LZTS2: variants seen among roughly 807,000 people sequenced by gnomAD.
LZTS2 encodes the protein leucine zipper putative tumor suppressor 2.
A neutral mutation model predicts 60.6 loss-of-function variants in LZTS2; 32 were observed. The observed-to-expected ratio is 0.53, with a 90% CI of 0.40 to 0.71. The LOEUF is 0.71. Ranked by LOEUF, LZTS2 falls within the 30% of genes least tolerant of loss-of-function variation. The pLI is 0.00. For missense variants in LZTS2, 792 were observed against 901.9 expected (o/e 0.88, Z 1.56); for synonymous variants, 360 against 393.1 (o/e 0.92, Z 1.00).
exon 2 of LZTS2, chr10:101,004,059 G>T (rs1220579716): frequency 6.2e-7 from 1 of 1,613,412 alleles, no homozygotes; most frequent in Non-Finnish European, 8.5e-7. Flanking sequence ...ACCTCCTTCG[G>T]ATGAGGCCCT....
In LZTS2 at chr10:101,007,138, C is replaced by A; in HGVS notation, c.1980C>A (p.Cys660Ter). 6.2e-7 allele frequency: 1 copy of A among 1,603,066 alleles called. No individual in the cohort carries two copies. The highest frequency in any genetic ancestry group is 8.5e-7 in the Non-Finnish European group (1 of 1,174,424). Residue 660 changes from cysteine (C) to a stop codon, truncating the protein, a stop_gained, in exon 4 of 4, where the codon TGC (cysteine) becomes TGA (stop). Coordinates refer to ENST00000370220, the Ensembl canonical transcript of LZTS2. LOFTEE classifies it high-confidence loss of function. ...TGGCCGAGCAGGCCCCCTGCATCTG[C>A]CTGGAGGAGATCACTGCTACTGAGA...
intron 2 of LZTS2, among the ~76,000 whole-genome samples, chr10:101,005,131 G>A (rs1590037236): frequency 6.6e-6 from 1 of 152,136 alleles, no homozygotes; most frequent in East Asian, 1.9e-4. Context: ...AGCCTCCCAA[G>A]TAGCTGAGAC....
chr10:101,004,889 G>T (rs185218348), intron 2 of LZTS2, among the ~76,000 whole-genome samples: 1 of 152,154 alleles, frequency 6.6e-6, no homozygotes, highest in South Asian at 2.1e-4. Flanking sequence ...TAGAGACAGG[G>T]TTTCCACCAT....
intron 1 of LZTS2, 120 bp downstream of exon 2, chr10:101,003,066 C>G: frequency 3.3e-6 from 4 of 1,225,992 alleles, no homozygotes; most frequent in Non-Finnish European, 4.4e-6. Context: ...GACCTGGGTC[C>G]TAATCCCAGC....
exon 4 of LZTS2, chr10:101,007,555 G>A (rs1479727158): frequency 1.5e-6 from 2 of 1,311,348 alleles, no homozygotes; most frequent in Admixed American, 2.3e-5. Context: ...AAGCCAGATG[G>A]CACCAGCTGC....
exon 4 of LZTS2, chr10:101,007,408 C>A (rs1590041184): frequency 7.0e-7 from 1 of 1,434,596 alleles, no homozygotes; most frequent in Non-Finnish European, 9.1e-7. Flanking sequence ...CTTGTTACTA[C>A]CCACTTCATT....
chr10:100,997,091 C>CGCCGGGA (rs528555474), upstream of LZTS2: 63 of 152,756 alleles, frequency 4.1e-4, no homozygotes, highest in African/African-American at 1.4e-3. Context: ...GCCAGGCGGG[C>CGCCGGGA]GCCGGGAGCT....
exon 2 of LZTS2, chr10:101,004,017 T>C: frequency 6.2e-7 from 1 of 1,613,232 alleles, no homozygotes; most frequent in Non-Finnish European, 8.5e-7. Context: ...CAGCAGCTCC[T>C]GTGGGGAGCG....
At position 101,003,694 on chromosome 10, in the gene LZTS2, C is replaced by G. The variant is rs1590035608; in HGVS notation, c.596C>G (p.Ala199Gly). The change falls in exon 2 of 4, where the codon GCT becomes GGT. Residue 199 changes from alanine to glycine, a missense_variant. By Grantham distance (60) the Ala-to-Gly change is moderately conservative. Coordinates refer to ENST00000370220, the Ensembl canonical transcript of LZTS2. ...TCCTCTTCCTCCTCCTCTTCAGCTGCTGACAAACCCCTGGCATTTAGTGGC... is the reference window on the plus strand; with the variant it reads ...TCCTCTTCCTCCTCCTCTTCAGCTGGTGACAAACCCCTGGCATTTAGTGGC... 5 of 1,612,950 alleles carry G rather than the reference C, an allele frequency of 3.1e-6. No individual in the cohort carries two copies. The East Asian group carries it at 8.9e-5, about 29-fold the overall frequency.
chr10:101,000,547 TGTC>T (rs1175806827), exon 1 of LZTS2: 2 of 152,420 alleles, frequency 1.3e-5, no homozygotes, highest in African/African-American at 4.8e-5. Context: ...GCTGTCCCCT[TGTC>T]GGCCTGACCC....
chr10:101,002,503 T>C (rs947820226), exon 1 of LZTS2: 16 of 1,496,280 alleles, frequency 1.1e-5, no homozygotes, highest in Admixed American at 9.5e-5. Flanking sequence ...ACAGGTCGCC[T>C]GCGAGGCCGC....
upstream of LZTS2, chr10:100,997,291 C>G (rs1029353426): frequency 4.6e-5 from 7 of 152,366 alleles, no homozygotes; most frequent in Admixed American, 4.6e-4. Flanking sequence ...ATCCCCGCTC[C>G]TGAACGAACT....
chr10:101,001,843 A>T (rs1190081626), exon 1 of LZTS2: 1 of 152,186 alleles, frequency 6.6e-6, no homozygotes, highest in Non-Finnish European at 1.5e-5. Flanking sequence ...AGAGGCTAGG[A>T]GTTGTCATGG....
At chr10:101,001,381 CAT>C (rs1219123769) in exon 1 of LZTS2, 1 of 152,286 alleles carries the variant, frequency 6.6e-6, no homozygotes, top group African/African-American at 2.4e-5. Context: ...CATAGACTCA[CAT>C]GATGTTTTCA....
At chr10:101,003,427 G>A in intron 1 of LZTS2, 80 bp from the exon 3 acceptor site, 1 of 1,436,922 alleles carries the variant, frequency 7.0e-7, no homozygotes, top group Non-Finnish European at 9.3e-7. Context: ...GGGGACCCAA[G>A]ACGGGAGGGC....
At chr10:101,001,148 G>C (rs569218442) in exon 1 of LZTS2, 2 of 152,358 alleles carry the variant, frequency 1.3e-5, no homozygotes, top group East Asian at 3.9e-4. Flanking sequence ...CACCTTCCTA[G>C]TCACACACAA....
At chr10:101,006,786 C>T in exon 4 of LZTS2, 1 of 1,551,350 alleles carries the variant, frequency 6.4e-7, no homozygotes, top group Non-Finnish European at 8.7e-7. Context: ...CCCCCTGTGC[C>T]ACCTGCCACC....
chr10:101,006,931 G>T, exon 4 of LZTS2: 1 of 1,535,898 alleles, frequency 6.5e-7, no homozygotes, highest in Non-Finnish European at 8.8e-7. Flanking sequence ...GGGGTGAGGA[G>T]CAGCGGGACA....
chr10:101,005,789 C>T, intron 3 of LZTS2, 74 bp downstream of exon 4: 3 of 1,428,130 alleles, frequency 2.1e-6, no homozygotes, highest in Non-Finnish European at 2.8e-6. Flanking sequence ...CCAGCCCCAC[C>T]CTCCCTCAGC....
Sources: allele counts gnomAD v4.1 joint callset (sites outside exome capture counted in the v4.1 genomes callset), GRCh38; gene constraint gnomAD v4.1.1; transcripts MANE v1.5; gene names NCBI Gene and HGNC (gene_info 2026-07-23, HGNC 2026-07-21).